WWOX: variants seen among roughly 807,000 people sequenced by gnomAD.
The protein encoded by WWOX is WW domain containing oxidoreductase.
In WWOX, 69 loss-of-function variants were observed where a neutral mutation model predicts 46.2. The ratio of observed to expected loss-of-function variants is 1.49; its 90% CI spans 1.23 to 1.82. WWOX has a LOEUF of 1.82. Among genes scored for constraint, WWOX ranks in the 40% most tolerant of loss-of-function variants. The pLI is 0.00. For missense variants in WWOX, 919 were observed against 542.6 expected (o/e 1.69, Z -6.89); for synonymous variants, 359 against 202.6 (o/e 1.77, Z -6.56).
intron 8 of WWOX, among the ~76,000 whole-genome samples, chr16:78,671,047 T>G (rs2047451228): frequency 6.6e-6 from 1 of 152,036 alleles, no homozygotes; most frequent in Non-Finnish European, 1.5e-5. Context: ...CTGCAAGCAT[T>G]TCTCCTGCAG....
intron 8 of WWOX, among the ~76,000 whole-genome samples, chr16:78,666,372 A>G (rs1404998289): frequency 6.6e-6 from 1 of 152,206 alleles, no homozygotes; most frequent in African/African-American, 2.4e-5. Flanking sequence ...CCTTACTGCC[A>G]TCGGCATGCC....
intron 8 of WWOX, among the ~76,000 whole-genome samples, chr16:78,819,380 G>C (rs2051431047): frequency 6.6e-6 from 1 of 152,162 alleles, no homozygotes; most frequent in African/African-American, 2.4e-5. Flanking sequence ...GTCCGCCAGT[G>C]TGTCATGTCA....
At chr16:78,795,461 A>G (rs557895231) in intron 8 of WWOX, among the ~76,000 whole-genome samples, 4 of 151,536 alleles carry the variant, frequency 2.6e-5, no homozygotes, top group Admixed American at 6.6e-5. Flanking sequence ...CTTGTCTTCA[A>G]CCTCCATCTA....
At chr16:78,293,454 C>T (rs1410342192) in intron 5 of WWOX, among the ~76,000 whole-genome samples, 1 of 152,174 alleles carries the variant, frequency 6.6e-6, no homozygotes, top group Non-Finnish European at 1.5e-5. Context: ...TACACATCCT[C>T]TCTTCTCTCC....
At chr16:78,370,152 G>C (rs1182866552) in intron 5 of WWOX, among the ~76,000 whole-genome samples, 1 of 102,250 alleles carries the variant, frequency 9.8e-6, no homozygotes, top group Non-Finnish European at 2.2e-5. Context: ...AAAAAAAAAG[G>C]GCATGGATCT....
At chr16:78,363,062 G>A (rs977261755) in intron 5 of WWOX, among the ~76,000 whole-genome samples, 4 of 151,976 alleles carry the variant, frequency 2.6e-5, no homozygotes, top group African/African-American at 7.3e-5. Context: ...ACCCACACCC[G>A]TATTCCACCA....
chr16:78,903,562 C>T (rs748210108), intron 8 of WWOX, among the ~76,000 whole-genome samples: 7 of 152,138 alleles, frequency 4.6e-5, no homozygotes, highest in Non-Finnish European at 1.0e-4. Context: ...AAGAGTAGCC[C>T]CTCCTCCTTT....
intron 8 of WWOX, among the ~76,000 whole-genome samples, chr16:78,747,801 C>G (rs1407656000): frequency 6.6e-6 from 1 of 152,176 alleles, no homozygotes; most frequent in Non-Finnish European, 1.5e-5. Context: ...CTCAACATAC[C>G]AGAGTTTAGT....
intron 8 of WWOX, among the ~76,000 whole-genome samples, chr16:79,062,791 G>A (rs2150551438): frequency 6.6e-6 from 1 of 152,246 alleles, no homozygotes; most frequent in East Asian, 1.9e-4. Flanking sequence ...TGTGCATTCT[G>A]GGTTCTAACA....
At chr16:78,685,697 C>A (rs1597444057) in intron 8 of WWOX, among the ~76,000 whole-genome samples, 1 of 152,182 alleles carries the variant, frequency 6.6e-6, no homozygotes, top group African/African-American at 2.4e-5. Flanking sequence ...CACAGAACTC[C>A]TGTCCTCCCT....
chr16:78,583,512 A>G (rs2045115412), intron 8 of WWOX, among the ~76,000 whole-genome samples: 1 of 152,164 alleles, frequency 6.6e-6, no homozygotes, highest in African/African-American at 2.4e-5. Flanking sequence ...CATAAAATGT[A>G]ATGTGGGATT....
chr16:78,827,071 C>G (rs1379704816), intron 8 of WWOX, among the ~76,000 whole-genome samples: 1 of 152,246 alleles, frequency 6.6e-6, no homozygotes, highest in East Asian at 1.9e-4. Context: ...AGCTTTGATC[C>G]CTGGTTTCTC....
At chr16:79,045,284 G>T (rs376214412) in intron 8 of WWOX, among the ~76,000 whole-genome samples, 2 of 152,310 alleles carry the variant, frequency 1.3e-5, no homozygotes, top group East Asian at 3.9e-4. Context: ...CTGGGATTCA[G>T]TGATAGCTCA....
chr16:78,614,615 CATAGGTGTA>C (rs2045977870), intron 8 of WWOX, among the ~76,000 whole-genome samples: 1 of 152,156 alleles, frequency 6.6e-6, no homozygotes, highest in South Asian at 2.1e-4. Context: ...GCTAGAGAGA[CATAGGTGTA>C]TGGCAGATGA....
At chr16:79,137,497 C>T (rs942267406) in intron 8 of WWOX, among the ~76,000 whole-genome samples, 1 of 152,184 alleles carries the variant, frequency 6.6e-6, no homozygotes, top group East Asian at 1.9e-4. Context: ...AGTTTCCTTT[C>T]TCTCACTTGG....
chr16:78,695,588 G>T (rs533677011), intron 8 of WWOX, among the ~76,000 whole-genome samples: 1 of 152,308 alleles, frequency 6.6e-6, no homozygotes, highest in East Asian at 1.9e-4. Flanking sequence ...GGATCAGAGA[G>T]AGCAGAGCCA....
chr16:79,089,333 C>CTT (rs11309218), intron 8 of WWOX, among the ~76,000 whole-genome samples: 2 of 132,550 alleles, frequency 1.5e-5, no homozygotes, highest in South Asian at 2.4e-4. Flanking sequence ...AGGTGGGGAC[C>CTT]TTTTTTTTTT....
intron 8 of WWOX, among the ~76,000 whole-genome samples, chr16:78,468,912 C>A (rs1053088588): frequency 6.6e-6 from 1 of 152,112 alleles, no homozygotes; most frequent in Admixed American, 6.6e-5. Flanking sequence ...AACCTGTAAC[C>A]CCCTCTACCC....
intron 8 of WWOX, among the ~76,000 whole-genome samples, chr16:79,070,469 C>T (rs1167242896): frequency 6.6e-6 from 1 of 152,152 alleles, no homozygotes; most frequent in African/African-American, 2.4e-5. Context: ...GATTTTTACT[C>T]ACCACCGATG....
Sources: allele counts gnomAD v4.1 joint callset (sites outside exome capture counted in the v4.1 genomes callset), GRCh38; gene constraint gnomAD v4.1.1; transcripts MANE v1.5; gene names NCBI Gene and HGNC (gene_info 2026-07-23, HGNC 2026-07-21).